Variants in ADARB2 observed in about 807,000 individuals in gnomAD.
ADARB2 encodes adenosine deaminase RNA specific B2 (inactive), also known as inactive double-stranded RNA-specific editase B2.
Under a neutral mutation model 62.2 loss-of-function variants are expected in ADARB2, and 25 were observed. The ratio of observed to expected loss-of-function variants is 0.40; its 90% CI spans 0.29 to 0.56. The LOEUF (loss-of-function observed/expected upper bound fraction) is 0.56, where lower values mean the gene tolerates loss of function less well. Ranked by LOEUF, ADARB2 falls within the 20% of genes least tolerant of loss-of-function variation. The pLI is 0.43. For missense variants in ADARB2, 1,071 were observed against 1,077.4 expected (o/e 0.99, Z 0.08); for synonymous variants, 572 against 500.8 (o/e 1.14, Z -1.90).
intron 1 of ADARB2, among the ~76,000 whole-genome samples, chr10:1,591,526 G>C (rs1011362148): frequency 6.6e-6 from 1 of 152,152 alleles, no homozygotes; most frequent in African/African-American, 2.4e-5. Context: ...CCCTTTTGGG[G>C]GTTGGGGGAC....
intron 3 of ADARB2, among the ~76,000 whole-genome samples, chr10:1,289,244 C>A (rs1420388262): frequency 6.6e-6 from 1 of 152,212 alleles, no homozygotes; most frequent in African/African-American, 2.4e-5. Context: ...TTTGAGTTGT[C>A]CCGTCTTTCC....
chr10:1,592,846 A>C (rs1833279148), intron 1 of ADARB2, among the ~76,000 whole-genome samples: 1 of 10,398 alleles, frequency 9.6e-5, no homozygotes, highest in Non-Finnish European at 1.8e-4. Context: ...CACCCTCCAT[A>C]GGTTTCCTCT....
At chr10:1,503,446 C>T (rs965416598) in intron 1 of ADARB2, among the ~76,000 whole-genome samples, 2 of 151,870 alleles carry the variant, frequency 1.3e-5, no homozygotes, top group Non-Finnish European at 2.9e-5. Flanking sequence ...CCCCCAAAGA[C>T]CTTGATAAGT....
intron 9 of ADARB2, among the ~76,000 whole-genome samples, chr10:1,184,375 G>C (rs1386908298): frequency 6.6e-6 from 1 of 152,202 alleles, no homozygotes; most frequent in Non-Finnish European, 1.5e-5. Context: ...ACTTGTGAAG[G>C]AGAAATTTGC....
At chr10:1,388,798 T>G (rs1383389125) in intron 1 of ADARB2, among the ~76,000 whole-genome samples, 1 of 152,194 alleles carries the variant, frequency 6.6e-6, no homozygotes, top group Non-Finnish European at 1.5e-5. Flanking sequence ...TGTCCCCTAA[T>G]TTTTCTATAG....
chr10:1,577,824 G>A (rs749151623), intron 1 of ADARB2, among the ~76,000 whole-genome samples: 1 of 152,204 alleles, frequency 6.6e-6, no homozygotes, highest in Admixed American at 6.5e-5. Context: ...CTTCAAACAG[G>A]TAATTAAGAT....
At chr10:1,644,835 A>G (rs1239034991) in intron 1 of ADARB2, among the ~76,000 whole-genome samples, 1 of 152,164 alleles carries the variant, frequency 6.6e-6, no homozygotes, top group Non-Finnish European at 1.5e-5. Flanking sequence ...TTGTTTTGTT[A>G]ATGTTTAAAT....
intron 3 of ADARB2, among the ~76,000 whole-genome samples, chr10:1,288,825 G>A (rs1438757410): frequency 1.3e-5 from 2 of 152,142 alleles, no homozygotes; most frequent in African/African-American, 2.4e-5. Context: ...AGAGGATGCC[G>A]AGGCACTCTG....
At chr10:1,695,318 G>C (rs1242169551) in intron 1 of ADARB2, among the ~76,000 whole-genome samples, 2 of 152,284 alleles carry the variant, frequency 1.3e-5, no homozygotes, top group African/African-American at 4.8e-5. Context: ...GTGCAGCTCA[G>C]AGCAGACAGA....
intron 1 of ADARB2, among the ~76,000 whole-genome samples, chr10:1,500,820 G>A (rs753430850): frequency 2.4e-4 from 37 of 152,192 alleles, no homozygotes; most frequent in Non-Finnish European, 4.4e-4. Context: ...GAAAAGCACT[G>A]TTGTGCTGTC....
chr10:1,608,240 T>G (rs762224263), intron 1 of ADARB2, among the ~76,000 whole-genome samples: 10 of 152,190 alleles, frequency 6.6e-5, no homozygotes, highest in Non-Finnish European at 1.3e-4. Flanking sequence ...GAGATGACCT[T>G]TTGCATTTGC....
chr10:1,367,802 C>T (rs1467260200), intron 2 of ADARB2, among the ~76,000 whole-genome samples: 2 of 152,232 alleles, frequency 1.3e-5, no homozygotes, highest in East Asian at 3.8e-4. Flanking sequence ...TTTGCTGGAT[C>T]TCAGATCAGA....
chr10:1,691,189 T>C (rs1005255634), intron 1 of ADARB2, among the ~76,000 whole-genome samples: 2 of 151,932 alleles, frequency 1.3e-5, no homozygotes, highest in Admixed American at 6.6e-5. Flanking sequence ...GAAGAGGAGA[T>C]TGGGGCACAG....
chr10:1,351,334 C>T (rs1215434498), intron 3 of ADARB2, among the ~76,000 whole-genome samples: 2 of 152,152 alleles, frequency 1.3e-5, no homozygotes, highest in African/African-American at 4.8e-5. Flanking sequence ...AGGCTACCCA[C>T]TCCACATTAC....
chr10:1,438,728 A>C (rs1323676496), intron 1 of ADARB2, among the ~76,000 whole-genome samples: 1 of 147,950 alleles, frequency 6.8e-6, no homozygotes, highest in East Asian at 2.0e-4. Flanking sequence ...GAGTCTCCTC[A>C]GCAGATGGAG....
chr10:1,547,462 G>A (rs1266615583), intron 1 of ADARB2, among the ~76,000 whole-genome samples: 1 of 105,284 alleles, frequency 9.5e-6, no homozygotes, highest in African/African-American at 3.8e-5. Flanking sequence ...CACTGTGTTG[G>A]GGGGAGAGGC....
At position 1,480,648 on chromosome 10, in the gene ADARB2, A is replaced by G. The variant is rs900066529; in HGVS notation, c.101-101488T>C. On this transcript the variant is annotated intron_variant, in intron 1 of 9. Transcript: ENST00000381312. ...GGGAGGCGGAGCTTGCAGTGAGCTG[A>G]GATTGTGCCCCTGCACTCCAACCTG... Among the ~76,000 whole-genome samples the G allele has an allele frequency of 2.1e-5, 3 of 141,322 alleles. No individual in the cohort carries two copies. The East Asian group carries it at 7.3e-4, about 35-fold the overall frequency. The allele number at this position is 141,322 out of a possible 152,430, so 92.7% of individuals were successfully genotyped here. A position where few individuals can be genotyped will look rare whatever the true frequency, so the allele number is the denominator to read the frequency against.
intron 1 of ADARB2, among the ~76,000 whole-genome samples, chr10:1,493,564 C>T (rs968245301): frequency 1.3e-5 from 2 of 151,940 alleles, no homozygotes; most frequent in Admixed American, 1.3e-4. Flanking sequence ...TCTCTCCGAA[C>T]CTATTTCCTC....
At chr10:1,658,188 A>C in intron 1 of ADARB2, among the ~76,000 whole-genome samples, 2 of 138,990 alleles carry the variant, frequency 1.4e-5, no homozygotes, top group Non-Finnish European at 3.1e-5. Flanking sequence ...CTCTATCTCT[A>C]TCTGATTGTC....
Sources: allele counts gnomAD v4.1 joint callset (sites outside exome capture counted in the v4.1 genomes callset), GRCh38; gene constraint gnomAD v4.1.1; transcripts MANE v1.5; gene names NCBI Gene and HGNC (gene_info 2026-07-23, HGNC 2026-07-21).